CLXN: variants seen among roughly 807,000 people sequenced by gnomAD.
CLXN encodes calaxin.
At chr8:48,732,674 T>C in the CLXN span, among the ~76,000 whole-genome samples, 1 of 152,170 alleles carries the variant, frequency 6.6e-6, no homozygotes, top group African/African-American at 2.4e-5. Flanking sequence ...ACAATGTTCA[T>C]AGTGTCATCA....
chr8:48,721,043 C>T, the CLXN span, among the ~76,000 whole-genome samples: 3 of 151,902 alleles, frequency 2.0e-5, no homozygotes, highest in Admixed American at 2.0e-4. Context: ...TGTAGAAAAC[C>T]CTACAAACAC....
the CLXN span, chr8:48,731,395 A>G: frequency 3.7e-6 from 6 of 1,613,306 alleles, no homozygotes; most frequent in African/African-American, 1.3e-5. Context: ...CACATGCAGG[A>G]TGTTTCGAAA....
At chr8:48,710,888 T>C in the CLXN span, 1 of 152,212 alleles carries the variant, frequency 6.6e-6, no homozygotes, top group South Asian at 2.1e-4. Context: ...CCAGATTACA[T>C]TGTGCTGATG....
the CLXN span, among the ~76,000 whole-genome samples, chr8:48,726,297 A>G: frequency 6.9e-6 from 1 of 145,076 alleles, no homozygotes; most frequent in Non-Finnish European, 1.5e-5. Context: ...CCATCCACCC[A>G]CCTATCCATC....
the CLXN span, chr8:48,715,602 T>G: frequency 5.9e-4 from 90 of 152,338 alleles, 1 homozygote; most frequent in African/African-American, 2.1e-3. Context: ...GTCACCATCA[T>G]GGACACCCAC....
At chr8:48,720,736 T>C in the CLXN span, among the ~76,000 whole-genome samples, 1 of 152,186 alleles carries the variant, frequency 6.6e-6, no homozygotes, top group Non-Finnish European at 1.5e-5. Context: ...AGCATGTGAT[T>C]TTGTACCTAC....
At chr8:48,724,793 C>T in the CLXN span, 1 of 1,610,852 alleles carries the variant, frequency 6.2e-7, no homozygotes, top group Non-Finnish European at 8.5e-7. Flanking sequence ...CTTCAAATTC[C>T]ATCTGGCTCT....
chr8:48,732,974 G>T, the CLXN span, among the ~76,000 whole-genome samples: 1 of 152,124 alleles, frequency 6.6e-6, no homozygotes, highest in Non-Finnish European at 1.5e-5. Flanking sequence ...ACATTTAATG[G>T]GTAGAGTTTC....
chr8:48,714,088 C>G, the CLXN span: 1 of 152,182 alleles, frequency 6.6e-6, no homozygotes, highest in Non-Finnish European at 1.5e-5. Context: ...CCCACCCCCC[C>G]GACAAACCCA....
chr8:48,734,151 A>T, the CLXN span, among the ~76,000 whole-genome samples: 2 of 152,170 alleles, frequency 1.3e-5, no homozygotes, highest in Non-Finnish European at 2.9e-5. Flanking sequence ...AATGCACTAG[A>T]TCTTACAATC....
chr8:48,720,458 A>C, the CLXN span, among the ~76,000 whole-genome samples: 1 of 152,138 alleles, frequency 6.6e-6, no homozygotes. Context: ...TGCAGTTGAG[A>C]TAAGGACTGA....
At chr8:48,724,800 C>T in the CLXN span, 1 of 1,609,482 alleles carries the variant, frequency 6.2e-7, no homozygotes, top group Non-Finnish European at 8.5e-7. Flanking sequence ...TTCCATCTGG[C>T]TCTGTAAAAA....
At chr8:48,735,139 T>C in the CLXN span, 1 of 1,614,006 alleles carries the variant, frequency 6.2e-7, no homozygotes, top group African/African-American at 1.3e-5. Flanking sequence ...TTCTGCAGTT[T>C]CTTGCGGTTC....
the CLXN span, chr8:48,712,415 C>A: frequency 2.6e-5 from 4 of 152,318 alleles, no homozygotes; most frequent in Non-Finnish European, 5.9e-5. Flanking sequence ...ACCCCAGGGA[C>A]CTCTGTGAGC....
At chr8:48,726,293 AC>A in the CLXN span, among the ~76,000 whole-genome samples, 8 of 145,838 alleles carry the variant, frequency 5.5e-5, no homozygotes, top group Non-Finnish European at 1.2e-4. Context: ...CCATCCATCC[AC>A]CCACCTATCC....
At chr8:48,725,362 T>G in the CLXN span, among the ~76,000 whole-genome samples, 1 of 152,196 alleles carries the variant, frequency 6.6e-6, no homozygotes, top group South Asian at 2.1e-4. Context: ...GACAATTCTT[T>G]CAAGAAGCTA....
At chr8:48,732,421 C>T in the CLXN span, among the ~76,000 whole-genome samples, 1 of 152,058 alleles carries the variant, frequency 6.6e-6, no homozygotes, top group African/African-American at 2.4e-5. Flanking sequence ...TCAGTACAGG[C>T]ATTTGTGGGA....
At chr8:48,727,362 A>G in the CLXN span, among the ~76,000 whole-genome samples, 3 of 152,216 alleles carry the variant, frequency 2.0e-5, no homozygotes, top group African/African-American at 7.2e-5. Flanking sequence ...GTACAAGGCG[A>G]GACAGATATA....
At chr8:48,733,262 G>T in the CLXN span, among the ~76,000 whole-genome samples, 1 of 152,058 alleles carries the variant, frequency 6.6e-6, no homozygotes, top group Non-Finnish European at 1.5e-5. Context: ...CATCTCAGCT[G>T]AAATAAAAAT....
Sources: allele counts gnomAD v4.1 joint callset (sites outside exome capture counted in the v4.1 genomes callset), GRCh38; gene constraint gnomAD v4.1.1; transcripts MANE v1.5; gene names NCBI Gene and HGNC (gene_info 2026-07-23, HGNC 2026-07-21).